PTPN3: variants seen among roughly 807,000 people sequenced by gnomAD.
PTPN3 encodes the protein protein tyrosine phosphatase non-receptor type 3, also known as tyrosine-protein phosphatase non-receptor type 3.
Under a neutral mutation model 132.7 loss-of-function variants are expected in PTPN3, and 96 were observed. The ratio of observed to expected loss-of-function variants is 0.72; its 90% CI spans 0.61 to 0.86. PTPN3 has a LOEUF of 0.86. Ranked by LOEUF, PTPN3 falls within the 40% of genes least tolerant of loss-of-function variation. PTPN3 has a pLI of 0.00. For missense variants in PTPN3, 1,125 were observed against 1,159.6 expected (o/e 0.97, Z 0.43); for synonymous variants, 398 against 429.0 (o/e 0.93, Z 0.89).
chr9:109,450,047 G>T (rs550239934), intron 5 of PTPN3: 2 of 983,724 alleles, frequency 2.0e-6, no homozygotes, highest in South Asian at 9.4e-5. Context: ...GAGGTCAATT[G>T]TGTCTTATTT....
At chr9:109,415,640 A>G (rs1217676185) in intron 14 of PTPN3, among the ~76,000 whole-genome samples, 1 of 152,186 alleles carries the variant, frequency 6.6e-6, no homozygotes. Context: ...GCAAGAGACG[A>G]TGGTGGCTGC....
chr9:109,457,003 G>A, intron 4 of PTPN3, 170 bp downstream of exon 4: 1 of 666,230 alleles, frequency 1.5e-6, no homozygotes, highest in South Asian at 1.9e-5. Context: ...TGATCTGGAA[G>A]CATCTCTGCT....
intron 1 of PTPN3, among the ~76,000 whole-genome samples, chr9:109,482,940 G>A (rs1319488978): frequency 6.6e-6 from 1 of 152,240 alleles, no homozygotes; most frequent in Admixed American, 6.5e-5. Flanking sequence ...TCTAGACACT[G>A]CCCGGTGTTG....
At chr9:109,410,520 T>C in intron 14 of PTPN3, 105 bp from the exon 15 acceptor site, 2 of 1,271,350 alleles carry the variant, frequency 1.6e-6, no homozygotes, top group South Asian at 1.4e-5. Flanking sequence ...TATGTTTCCC[T>C]GGAACCTCAG....
chr9:109,393,516 A>G (rs1268610466), intron 19 of PTPN3, among the ~76,000 whole-genome samples: 1 of 151,040 alleles, frequency 6.6e-6, no homozygotes, highest in Non-Finnish European at 1.5e-5. Flanking sequence ...CCTCCTGAGT[A>G]GCTGGGATTA....
At chr9:109,470,967 T>A (rs1846351679) in intron 1 of PTPN3, among the ~76,000 whole-genome samples, 1 of 152,154 alleles carries the variant, frequency 6.6e-6, no homozygotes, top group South Asian at 2.1e-4. Flanking sequence ...CAAAAAATAA[T>A]TTTCTGGACT....
At chr9:109,385,186 C>G (rs1466526185) in intron 22 of PTPN3, among the ~76,000 whole-genome samples, 2 of 152,184 alleles carry the variant, frequency 1.3e-5, no homozygotes, top group African/African-American at 4.8e-5. Flanking sequence ...TTACCTCTGA[C>G]CAAATACAGA....
rs775786259 is a variant in PTPN3, at chr9:109,454,525, A to G, written c.339T>C (p.Asp113=). 4 of 1,613,358 alleles carry G rather than the reference A, an allele frequency of 2.5e-6. No individual in the cohort carries two copies. Among genetic ancestry groups the G allele is most frequent in the Non-Finnish European group, 2.5e-6 (3 of 1,179,934 alleles). ...LHFRVRFFIP[D]PNTLQQEQTR... ...TTTGTTCTTGCTGCAGTGTGTTGGG[A>G]TCAGGTATAAAAAATCTTACTCGAA... Residue 113 remains aspartate, a synonymous_variant, in exon 5 of 26, where the codon GAT becomes GAC. Transcript: ENST00000374541.
the PTPN3 span, among the ~76,000 whole-genome samples, chr9:109,536,337 A>T: frequency 2.6e-5 from 4 of 152,180 alleles, no homozygotes; most frequent in African/African-American, 9.7e-5. Context: ...ATGTATACCG[A>T]TCTTCAATCC....
intron 1 of PTPN3, among the ~76,000 whole-genome samples, chr9:109,482,092 C>A (rs1456487727): frequency 6.6e-6 from 1 of 152,216 alleles, no homozygotes; most frequent in East Asian, 1.9e-4. Flanking sequence ...ACAACTAATG[C>A]GCGCAGGGAT....
At chr9:109,462,699 C>T (rs1811108661) in intron 2 of PTPN3, among the ~76,000 whole-genome samples, 1 of 151,976 alleles carries the variant, frequency 6.6e-6, no homozygotes, top group African/African-American at 2.4e-5. Flanking sequence ...CTAGTGCTGG[C>T]TCTGCCACGG....
intron 1 of PTPN3, among the ~76,000 whole-genome samples, chr9:109,470,135 G>T (rs1430729406): frequency 3.3e-5 from 5 of 151,994 alleles, no homozygotes; most frequent in Admixed American, 6.5e-5. Flanking sequence ...TGTACTATCA[G>T]CCACCCTAGA....
intron 10 of PTPN3, 162 bp from the exon 11 acceptor site, chr9:109,428,846 C>G (rs1403016011): frequency 2.0e-6 from 2 of 985,290 alleles, no homozygotes; most frequent in Non-Finnish European, 2.4e-6. Flanking sequence ...GCCCCACTGC[C>G]GCAGGCTAAT....
At position 109,493,228 on chromosome 9, in the gene PTPN3, C is replaced by T. The variant is rs560747757; in HGVS notation, c.-18+4991G>A. Among the ~76,000 whole-genome samples the T allele has an allele frequency of 5.9e-5, 9 of 152,182 alleles. No homozygotes were observed. In the South Asian group the frequency reaches 1.9e-3, roughly 32 times the overall value. On this transcript the variant is annotated intron_variant, in intron 1 of 25. Coordinates refer to ENST00000374541, the MANE Select transcript of PTPN3 (RefSeq NM_002829.4). ...GACCAGCCTGGCAACATGGCGAGAC[C>T]CTTTCTCTATATTTAAAAAACAAAC...
chr9:109,511,271 GATTCCTTCACCTAGGAGTTTA>G, the PTPN3 span, among the ~76,000 whole-genome samples: 1,027 of 152,216 alleles, frequency 6.7e-3, no homozygotes, highest in Middle Eastern at 0.02. Flanking sequence ...AGACCAATTG[GATTCCTTCACCTAGGAGTTTA>G]AACTAGAGAA....
rs773374391 is a variant in PTPN3, at chr9:109,463,440, T to C, written c.-6A>G. ...GCACGTAACCGGGAGGTCATAACTA[T>C]CGCTGAATAACCTGTAACATAAAAT... On this transcript the variant is annotated 5_prime_UTR_variant, in exon 2 of 26. Transcript: ENST00000374541. 8 of 1,604,322 alleles carry C rather than the reference T, an allele frequency of 5.0e-6. No homozygotes were observed. The highest frequency in any genetic ancestry group is 6.8e-6 in the Non-Finnish European group (8 of 1,177,482).
chr9:109,507,173 A>T, the PTPN3 span, among the ~76,000 whole-genome samples: 22 of 152,188 alleles, frequency 1.4e-4, no homozygotes, highest in African/African-American at 4.8e-4. Context: ...TGAGGGATGG[A>T]ACAGAAGAGA....
At chr9:109,451,034 C>CATTTTTTTAATTTTTA (rs911608332) in intron 5 of PTPN3, 9 of 941,898 alleles carry the variant, frequency 9.6e-6, no homozygotes, top group Middle Eastern at 5.4e-4. Context: ...TTTTATTTTT[C>CATTTTTTTAATTTTTA]ATTTTTTTAA....
At chr9:109,453,157 G>T (rs1845364765) in intron 5 of PTPN3, among the ~76,000 whole-genome samples, 1 of 152,178 alleles carries the variant, frequency 6.6e-6, no homozygotes, top group South Asian at 2.1e-4. Context: ...ATAGTAGAGG[G>T]AGGAGGTGCA....
Sources: allele counts gnomAD v4.1 joint callset (sites outside exome capture counted in the v4.1 genomes callset), GRCh38; gene constraint gnomAD v4.1.1; transcripts MANE v1.5; gene names NCBI Gene and HGNC (gene_info 2026-07-23, HGNC 2026-07-21).